The following NRG3 variants were observed in gnomAD, a reference collection of about 807,000 sequenced individuals.
NRG3 encodes neuregulin 3.
Under a neutral mutation model 66.9 loss-of-function variants are expected in NRG3, and 31 were observed. The observed-to-expected ratio is 0.46, with a 90% CI of 0.35 to 0.63. The LOEUF (loss-of-function observed/expected upper bound fraction) is 0.63. Ranked by LOEUF, NRG3 falls within the 20% of genes least tolerant of loss-of-function variation. NRG3 has a pLI of 0.00. For missense variants in NRG3, 910 were observed against 878.9 expected (o/e 1.04, Z -0.45); for synonymous variants, 393 against 359.4 (o/e 1.09, Z -1.06).
At chr10:82,524,761 T>A (rs1417239798) in intron 2 of NRG3, among the ~76,000 whole-genome samples, 1 of 151,910 alleles carries the variant, frequency 6.6e-6, no homozygotes, top group Admixed American at 6.6e-5. Flanking sequence ...TTTACAAATG[T>A]TTCTTTTTCC....
intron 2 of NRG3, among the ~76,000 whole-genome samples, chr10:82,515,984 A>G (rs549972353): frequency 6.1e-4 from 93 of 152,346 alleles, no homozygotes; most frequent in African/African-American, 2.1e-3. Flanking sequence ...AGTTTGTACC[A>G]GGATAACCCC....
At chr10:81,937,070 C>T (rs1311915036) in intron 1 of NRG3, among the ~76,000 whole-genome samples, 1 of 152,112 alleles carries the variant, frequency 6.6e-6, no homozygotes, top group African/African-American at 2.4e-5. Flanking sequence ...CACATAATGT[C>T]CTCAAGGTTC....
intron 4 of NRG3, among the ~76,000 whole-genome samples, chr10:82,894,347 A>AT (rs921312472): frequency 3.3e-5 from 5 of 152,060 alleles, no homozygotes; most frequent in Admixed American, 6.5e-5. Flanking sequence ...CCTAGCATAT[A>AT]TTTTTTTTAG....
chr10:82,004,561 C>T (rs1204060460), intron 1 of NRG3, among the ~76,000 whole-genome samples: 1 of 152,152 alleles, frequency 6.6e-6, no homozygotes, highest in Non-Finnish European at 1.5e-5. Context: ...ATGTTTTTGT[C>T]AACAGCAATG....
At chr10:82,517,774 C>T (rs1845829424) in intron 2 of NRG3, among the ~76,000 whole-genome samples, 1 of 151,798 alleles carries the variant, frequency 6.6e-6, no homozygotes. Context: ...GTAGAGGTAG[C>T]AAGCCAAATT....
chr10:82,093,184 T>A (rs1395262932), intron 1 of NRG3, among the ~76,000 whole-genome samples: 2 of 152,218 alleles, frequency 1.3e-5, no homozygotes, highest in East Asian at 3.8e-4. Flanking sequence ...ATTATTCAGA[T>A]AAGGACACAA....
In NRG3 at chr10:82,836,866, A is replaced by G. The variant is rs548236541; in HGVS notation, c.1028-28545A>G. 1.0e-3 allele frequency among the ~76,000 whole-genome samples: 150 copies of G among 150,032 alleles called. 3 individuals are homozygous for G. The highest frequency in any genetic ancestry group is 5.2e-4 in the Non-Finnish European group (35 of 67,792). Reference sequence around the variant, plus strand: ...ATTAACTCATCATTTAACATTAGGTATATCTCCTAATGTTATCCCTCCCCA... The same window carrying G: ...ATTAACTCATCATTTAACATTAGGTGTATCTCCTAATGTTATCCCTCCCCA... On this transcript the variant is annotated intron_variant, in intron 3 of 8. Transcript: ENST00000372141.
At chr10:82,469,447 A>C (rs7918226) in intron 2 of NRG3, among the ~76,000 whole-genome samples, 87,496 of 152,026 alleles carry the variant, frequency 0.58, 28,330 homozygotes, top group South Asian at 0.77. Flanking sequence ...ACTTCAGGAG[A>C]CAGAGATGCC....
At chr10:81,909,715 T>TTTCCGTC (rs2132731211) in intron 1 of NRG3, among the ~76,000 whole-genome samples, 1 of 152,292 alleles carries the variant, frequency 6.6e-6, no homozygotes, top group South Asian at 2.1e-4. Context: ...GAGGCAGATG[T>TTTCCGTC]TTCCGTCTTT....
At chr10:82,186,545 A>G (rs990847313) in intron 1 of NRG3, among the ~76,000 whole-genome samples, 3 of 152,198 alleles carry the variant, frequency 2.0e-5, no homozygotes, top group Non-Finnish European at 4.4e-5. Flanking sequence ...ACATTACTGT[A>G]TATTGCAGCT....
intron 1 of NRG3, among the ~76,000 whole-genome samples, chr10:82,189,105 G>A (rs1039914015): frequency 5.3e-5 from 8 of 151,938 alleles, no homozygotes; most frequent in Non-Finnish European, 1.2e-4. Flanking sequence ...AATATAAAAG[G>A]TAGCCTCCCA....
intron 2 of NRG3, among the ~76,000 whole-genome samples, chr10:82,486,536 T>A (rs1842691325): frequency 6.6e-6 from 1 of 152,048 alleles, no homozygotes; most frequent in Admixed American, 6.6e-5. Flanking sequence ...TGCCTCAGCC[T>A]CCCAAGTAGC....
At chr10:82,284,858 GTTA>G (rs1344579596) in intron 1 of NRG3, among the ~76,000 whole-genome samples, 1 of 152,116 alleles carries the variant, frequency 6.6e-6, no homozygotes, top group African/African-American at 2.4e-5. Flanking sequence ...ATCCTAGGAA[GTTA>G]TTGTTTCCCA....
At chr10:82,766,126 T>C (rs1003977937) in intron 3 of NRG3, among the ~76,000 whole-genome samples, 23 of 152,202 alleles carry the variant, frequency 1.5e-4, no homozygotes, top group Admixed American at 5.9e-4. Context: ...GTGAAGAATT[T>C]AGAGTTTGCT....
chr10:82,098,723 C>A (rs1048598309), intron 1 of NRG3, among the ~76,000 whole-genome samples: 1 of 151,958 alleles, frequency 6.6e-6, no homozygotes, highest in African/African-American at 2.4e-5. Flanking sequence ...GTATTTTTCC[C>A]AATTTGTGGT....
At chr10:82,410,541 G>A (rs1315851591) in intron 2 of NRG3, among the ~76,000 whole-genome samples, 1 of 151,276 alleles carries the variant, frequency 6.6e-6, no homozygotes, top group South Asian at 2.1e-4. Flanking sequence ...TGGCTAAGGG[G>A]TGGAGGGAAG....
intron 1 of NRG3, among the ~76,000 whole-genome samples, chr10:82,128,919 C>T (rs1469873779): frequency 6.6e-6 from 1 of 151,830 alleles, no homozygotes; most frequent in African/African-American, 2.4e-5. Context: ...GATTTCGGTA[C>T]CCTAAATTTT....
At chr10:82,524,087 TAACA>T (rs962723601) in intron 2 of NRG3, among the ~76,000 whole-genome samples, 1 of 152,088 alleles carries the variant, frequency 6.6e-6, no homozygotes, top group African/African-American at 2.4e-5. Flanking sequence ...TGTACATATC[TAACA>T]AACACACTCT....
chr10:82,468,011 C>T (rs1412909998), intron 2 of NRG3, among the ~76,000 whole-genome samples: 1 of 152,146 alleles, frequency 6.6e-6, no homozygotes, highest in Non-Finnish European at 1.5e-5. Context: ...TGCCCAGCAC[C>T]TGCTATATAT....
Sources: gnomAD v4.1 joint callset for allele counts (sites outside exome capture counted in the v4.1 genomes callset) on GRCh38, gnomAD v4.1.1 for gene constraint, MANE v1.5 for transcripts, NCBI Gene and HGNC (gene_info 2026-07-23, HGNC 2026-07-21) for gene names.